OXR1: variants seen among roughly 807,000 people sequenced by gnomAD.
OXR1 encodes the protein oxidation resistance protein 1.
A neutral mutation model predicts 104.6 loss-of-function variants in OXR1; 41 were observed. That is an observed-to-expected ratio of 0.39 (90% CI 0.31 to 0.51). The LOEUF (loss-of-function observed/expected upper bound fraction) is 0.51, where lower values mean the gene tolerates loss of function less well. OXR1 is among the 20% of genes least tolerant of loss of function. The probability of loss-of-function intolerance (pLI) is 0.77; values close to 1 mark genes in which losing one functional copy is unlikely to be tolerated. For synonymous variants in OXR1, 348 were observed against 348.4 expected, an observed-to-expected ratio of 1.00 and a Z score of 0.01; for missense variants, 955 against 1,031.9, an observed-to-expected ratio of 0.93 and a Z score of 1.02.
chr8:106,452,924 A>T (rs1296080166), intron 2 of OXR1, among the ~76,000 whole-genome samples: 1 of 145,486 alleles, frequency 6.9e-6, no homozygotes, highest in East Asian at 1.9e-4. Flanking sequence ...CTTTTGGATT[A>T]TCTGCCCCGA....
intron 11 of OXR1, among the ~76,000 whole-genome samples, chr8:106,714,194 C>T (rs1210801066): frequency 6.6e-6 from 1 of 151,858 alleles, no homozygotes; most frequent in African/African-American, 2.4e-5. Context: ...CTTTAAAATA[C>T]TAGAAAACCC....
intron 3 of OXR1, among the ~76,000 whole-genome samples, chr8:106,645,354 CACCCATATGAGTCTGTGGATAGT>C (rs1409133603): frequency 1.3e-5 from 2 of 152,164 alleles, no homozygotes; most frequent in Non-Finnish European, 2.9e-5. Context: ...GCCAGCTTGG[CACCCATATGAGTCTGTGGATAGT>C]AGGTGGGGCT....
chr8:106,638,721 C>A (rs1461718896), intron 3 of OXR1, among the ~76,000 whole-genome samples: 2 of 152,042 alleles, frequency 1.3e-5, no homozygotes, highest in African/African-American at 4.8e-5. Flanking sequence ...GGTGAAATCC[C>A]ATCTCTACTA....
At chr8:106,581,493 C>A (rs1050286658) in intron 3 of OXR1, among the ~76,000 whole-genome samples, 3 of 151,124 alleles carry the variant, frequency 2.0e-5, no homozygotes, top group Non-Finnish European at 2.9e-5. Context: ...TATTTTGATT[C>A]TGTGTTTTTT....
intron 1 of OXR1, among the ~76,000 whole-genome samples, chr8:106,301,723 A>C (rs539582762): frequency 6.6e-6 from 1 of 152,214 alleles, no homozygotes; most frequent in African/African-American, 2.4e-5. Flanking sequence ...TTATCAGTTA[A>C]AAAGGTAAGT....
intron 2 of OXR1, among the ~76,000 whole-genome samples, chr8:106,476,152 G>T (rs1821798732): frequency 6.6e-6 from 1 of 151,792 alleles, no homozygotes; most frequent in African/African-American, 2.4e-5. Context: ...TGTGTGTAAT[G>T]AAATTTAAAG....
rs373051693 is a variant in OXR1, at chr8:106,330,309, G to A, written c.-138-29167G>A. ...CTTGCCTTAGTTCAGCTTCATGGTG[G>A]GGTAGTGCAGAAGCCTCATTGAAGG... On this transcript the variant is annotated intron_variant, in intron 1 of 16. Transcript: ENST00000517566. 2.6e-5 allele frequency among the ~76,000 whole-genome samples: 4 copies of A among 152,258 alleles called. No homozygotes were observed. The East Asian group carries it at 5.8e-4, about 22-fold the overall frequency.
At chr8:106,529,643 CTG>C (rs1193229763) in intron 3 of OXR1, among the ~76,000 whole-genome samples, 1 of 152,080 alleles carries the variant, frequency 6.6e-6, no homozygotes, top group African/African-American at 2.4e-5. Context: ...TGCCCTGATT[CTG>C]TGATTGTTCT....
At chr8:106,420,700 G>C (rs1051778674) in intron 2 of OXR1, among the ~76,000 whole-genome samples, 9 of 150,950 alleles carry the variant, frequency 6.0e-5, no homozygotes, top group African/African-American at 2.0e-4. Context: ...TCAAGTCAAA[G>C]AGACCATGCT....
chr8:106,635,771 G>C (rs898624017), intron 3 of OXR1, among the ~76,000 whole-genome samples: 3 of 152,226 alleles, frequency 2.0e-5, no homozygotes, highest in African/African-American at 7.2e-5. Flanking sequence ...ATAACTATAA[G>C]AAAGAAGTTT....
intron 1 of OXR1, among the ~76,000 whole-genome samples, chr8:106,305,123 A>G (rs1483017264): frequency 6.6e-6 from 1 of 152,162 alleles, no homozygotes; most frequent in Non-Finnish European, 1.5e-5. Flanking sequence ...ACTATTATGT[A>G]GAGAAGAATC....
Position 106,359,916 on chromosome 8 carries a change from G to T in OXR1, c.23+280G>T, listed in dbSNP as rs1003914541. Among the ~76,000 whole-genome samples, 92 of 152,216 alleles carry T rather than the reference G, an allele frequency of 6.0e-4. 2 individuals are homozygous for T. The highest frequency in any genetic ancestry group is 5.2e-3 in the Admixed American group (79 of 15,278). On this transcript the variant is annotated intron_variant, in intron 2 of 16. Coordinates refer to ENST00000517566, the MANE Select transcript of OXR1 (RefSeq NM_001198533.2). ...TCCCAGCACACCCTAGGAGAGAGAA[G>T]TAATATTATATCCTTTCAGTATTCC...
At chr8:106,387,346 C>T (rs755838759) in intron 2 of OXR1, among the ~76,000 whole-genome samples, 6 of 152,154 alleles carry the variant, frequency 3.9e-5, no homozygotes, top group Non-Finnish European at 7.3e-5. Context: ...ATAACTAGCA[C>T]CAAATATCTA....
intron 3 of OXR1, among the ~76,000 whole-genome samples, chr8:106,670,172 A>ATC (rs1371554719): frequency 2.6e-5 from 4 of 152,088 alleles, no homozygotes; most frequent in Non-Finnish European, 5.9e-5. Context: ...GGCCCTAGTG[A>ATC]TCTCTTCTCA....
At chr8:106,350,057 T>G (rs1815660111) in intron 1 of OXR1, among the ~76,000 whole-genome samples, 1 of 151,958 alleles carries the variant, frequency 6.6e-6, no homozygotes, top group Non-Finnish European at 1.5e-5. Context: ...GAGAAAGCAA[T>G]AGTTTGAAGT....
rs1587254294 is a variant in OXR1 at position 106,726,187 on chromosome 8, G to GTT, written c.1957-11333_1957-11332insTT. ...AATTTATCTTTGACAGAGGAAGAAT[G>GTT]CTTTTGAAAACAGTTCTTACGTGAT... On this transcript the variant is annotated intron_variant, in intron 11 of 16. Coordinates refer to ENST00000517566, the MANE Select transcript of OXR1 (RefSeq NM_001198533.2). 2.7e-6 allele frequency: 4 copies of GTT among 1,493,082 alleles called. No homozygotes were observed. In the East Asian group the frequency reaches 1.0e-4, roughly 38 times the overall value. The allele number at this position is 1,493,082 out of a possible 1,614,324, so 92.5% of individuals were successfully genotyped here. A position where few individuals can be genotyped will look rare whatever the true frequency, so the allele number is the denominator to read the frequency against.
chr8:106,505,592 A>G (rs1054941487), intron 2 of OXR1, among the ~76,000 whole-genome samples: 1 of 152,196 alleles, frequency 6.6e-6, no homozygotes, highest in African/African-American at 2.4e-5. Context: ...AAGGAGGATG[A>G]GAGACAACCT....
At chr8:106,348,206 G>A (rs1815575084) in intron 1 of OXR1, among the ~76,000 whole-genome samples, 1 of 152,132 alleles carries the variant, frequency 6.6e-6, no homozygotes, top group African/African-American at 2.4e-5. Context: ...GGCACGAGGG[G>A]TGGGAAAGTT....
intron 3 of OXR1, among the ~76,000 whole-genome samples, chr8:106,559,205 C>T (rs987455246): frequency 1.4e-4 from 22 of 152,270 alleles, no homozygotes; most frequent in African/African-American, 5.3e-4. Context: ...CACTTTATAA[C>T]AAGGATGGAC....
Sources: gnomAD v4.1 joint callset for allele counts (sites outside exome capture counted in the v4.1 genomes callset) on GRCh38, gnomAD v4.1.1 for gene constraint, MANE v1.5 for transcripts, NCBI Gene and HGNC (gene_info 2026-07-23, HGNC 2026-07-21) for gene names.